Variants in VEPH1 observed in about 807,000 individuals in gnomAD.
The protein encoded by VEPH1 is ventricular zone-expressed PH domain-containing protein homolog 1.
VEPH1 carries 80 observed loss-of-function variants against 85.2 expected under a neutral mutation model. The ratio of observed to expected loss-of-function variants is 0.94; its 90% CI spans 0.78 to 1.13. VEPH1 has a LOEUF of 1.13. Ranked by LOEUF, VEPH1 falls within the 50% of genes most tolerant of loss-of-function variation. The probability of loss-of-function intolerance (pLI) is 0.00; values close to 1 mark genes in which losing one functional copy is unlikely to be tolerated. For synonymous variants in VEPH1, 297 were observed against 348.0 expected (o/e 0.85, Z 1.63); for missense variants, 955 against 980.5 (o/e 0.97, Z 0.35).
At chr3:157,377,278 CCTTT>C (rs903990434) in intron 7 of VEPH1, among the ~76,000 whole-genome samples, 11 of 151,206 alleles carry the variant, frequency 7.3e-5, no homozygotes, top group Non-Finnish European at 5.9e-5. Flanking sequence ...TTCATTTTGC[CCTTT>C]CTTTGTTTCC....
intron 1 of VEPH1, among the ~76,000 whole-genome samples, chr3:157,496,126 T>G (rs1739647226): frequency 1.3e-5 from 2 of 152,354 alleles, no homozygotes; most frequent in South Asian, 2.1e-4. Context: ...AAATCTCTAC[T>G]GAACATGAAG....
intron 7 of VEPH1, among the ~76,000 whole-genome samples, chr3:157,372,338 A>G (rs1727599936): frequency 6.6e-6 from 1 of 152,240 alleles, no homozygotes; most frequent in East Asian, 1.9e-4. Flanking sequence ...CTGGGGATAG[A>G]ACTCCTACAT....
chr3:157,473,229 C>T (rs186058272), intron 2 of VEPH1, among the ~76,000 whole-genome samples: 57 of 151,736 alleles, frequency 3.8e-4, no homozygotes, highest in East Asian at 9.7e-4. Context: ...CATGCCACCA[C>T]GCCCGGCTAA....
At chr3:157,266,448 T>C (rs926327833) in intron 12 of VEPH1, among the ~76,000 whole-genome samples, 7 of 152,136 alleles carry the variant, frequency 4.6e-5, no homozygotes, top group African/African-American at 1.7e-4. Context: ...GCACATGGCA[T>C]GTTTCTTATA....
intron 3 of VEPH1, among the ~76,000 whole-genome samples, chr3:157,462,307 G>A (rs6801619): frequency 0.038 from 5,803 of 152,078 alleles, 368 homozygotes; most frequent in African/African-American, 0.13. Flanking sequence ...CTTTTCTGAA[G>A]AAGAAGCACA....
chr3:157,279,591 G>A (rs372507517), intron 12 of VEPH1, among the ~76,000 whole-genome samples: 1 of 152,228 alleles, frequency 6.6e-6, no homozygotes. Flanking sequence ...GTTGGAAGGG[G>A]AATATTGAAT....
intron 1 of VEPH1, chr3:157,499,392 T>G (rs1287607701): frequency 2.6e-5 from 4 of 152,136 alleles, no homozygotes; most frequent in Admixed American, 2.0e-4. Context: ...AACTCGACTT[T>G]ACCTGCGTGC....
rs114544048 is a variant in VEPH1 at position 157,451,197 on chromosome 3, A to C, written c.529+8984T>G. Among the ~76,000 whole-genome samples the C allele has an allele frequency of 7.6e-3, 1,155 of 152,306 alleles. 5 individuals are homozygous for C. Among genetic ancestry groups the C allele is most frequent in the Admixed American group, 0.012 (182 of 15,292 alleles). On this transcript the variant is annotated intron_variant, in intron 4 of 13. Coordinates refer to ENST00000362010, the MANE Select transcript of VEPH1 (RefSeq NM_001167912.2). ...GTATATTTGTTATAATTTTCCTGTA[A>C]AACTAAATTGGTATGTTTTTTAATT...
At chr3:157,472,897 T>C (rs1431336255) in intron 2 of VEPH1, among the ~76,000 whole-genome samples, 1 of 152,132 alleles carries the variant, frequency 6.6e-6, no homozygotes, top group Non-Finnish European at 1.5e-5. Flanking sequence ...ATACCATATT[T>C]TCTTTATCCA....
At chr3:157,501,466 G>A (rs968941810) in intron 1 of VEPH1, among the ~76,000 whole-genome samples, 15 of 152,274 alleles carry the variant, frequency 9.9e-5, no homozygotes, top group Admixed American at 6.5e-4. Context: ...ACTCCTTCCC[G>A]TGTTTATTAG....
intron 7 of VEPH1, among the ~76,000 whole-genome samples, chr3:157,374,200 C>T (rs554716072): frequency 6.6e-6 from 1 of 152,288 alleles, no homozygotes; most frequent in African/African-American, 2.4e-5. Context: ...TAACAACAGC[C>T]ACAGCTACTG....
At chr3:157,494,596 T>C (rs1223669939) in intron 2 of VEPH1, among the ~76,000 whole-genome samples, 1 of 152,110 alleles carries the variant, frequency 6.6e-6, no homozygotes, top group African/African-American at 2.4e-5. Flanking sequence ...GGACTAATAA[T>C]GGGTGGGTGG....
chr3:157,368,530 C>T (rs977157536), intron 7 of VEPH1, among the ~76,000 whole-genome samples: 1 of 151,946 alleles, frequency 6.6e-6, no homozygotes, highest in African/African-American at 2.4e-5. Context: ...CACGCTCTGT[C>T]GCCCAGGCTG....
chr3:157,287,504 G>A (rs1443313860), intron 11 of VEPH1, among the ~76,000 whole-genome samples: 1 of 152,070 alleles, frequency 6.6e-6, no homozygotes, highest in Non-Finnish European at 1.5e-5. Context: ...TATTCTAAAA[G>A]TGTATGCAAA....
chr3:157,345,097 C>A lies in VEPH1; in HGVS notation c.1735+18267G>T, dbSNP rs571493449. The stretch of plus-strand genomic sequence containing the variant: ...CCCTAGAAGAAAACCTAGGCAATAC[C>A]ATTCAGGACATAGGCAGGGGCAACG... On this transcript the variant is annotated intron_variant, in intron 9 of 13. Coordinates refer to ENST00000362010, the MANE Select transcript of VEPH1 (RefSeq NM_001167912.2). Among the ~76,000 whole-genome samples, 7 of 152,170 alleles carry A rather than the reference C, an allele frequency of 4.6e-5. No individual in the cohort carries two copies. In the East Asian group the frequency reaches 1.4e-3, roughly 29 times the overall value.
chr3:157,408,842 T>C (rs1456104), intron 6 of VEPH1, among the ~76,000 whole-genome samples: 71,452 of 151,794 alleles, frequency 0.47, 17,210 homozygotes, highest in Admixed American at 0.6. Flanking sequence ...GGGTGTAAAA[T>C]CCTGAGTAGT....
intron 9 of VEPH1, among the ~76,000 whole-genome samples, chr3:157,323,474 G>A (rs148358347): frequency 2.9e-4 from 44 of 152,318 alleles, no homozygotes; most frequent in African/African-American, 9.9e-4. Flanking sequence ...GACTTGCCTA[G>A]TGTTTACTAA....
At chr3:157,417,922 C>T (rs1026392277) in intron 5 of VEPH1, among the ~76,000 whole-genome samples, 3 of 152,110 alleles carry the variant, frequency 2.0e-5, no homozygotes, top group Non-Finnish European at 4.4e-5. Flanking sequence ...GTCTCTCAGC[C>T]CCCATTCCTT....
At chr3:157,371,921 G>A (rs114021029) in intron 7 of VEPH1, among the ~76,000 whole-genome samples, 1,672 of 152,134 alleles carry the variant, frequency 0.011, 33 homozygotes, top group East Asian at 0.044. Context: ...AACAGAAGAC[G>A]GCCGCCCCAT....
Sources: gnomAD v4.1 joint callset for allele counts (sites outside exome capture counted in the v4.1 genomes callset) on GRCh38, gnomAD v4.1.1 for gene constraint, MANE v1.5 for transcripts, NCBI Gene and HGNC (gene_info 2026-07-23, HGNC 2026-07-21) for gene names.